The following CENPW variants were observed in gnomAD, a reference collection of about 807,000 sequenced individuals.
CENPW encodes the protein centromere protein W.
In CENPW, 3 loss-of-function variants were observed where a neutral mutation model predicts 11.1. The observed-to-expected ratio is 0.27, with a 90% CI of 0.12 to 0.70. The LOEUF (loss-of-function observed/expected upper bound fraction) is 0.70, where lower values mean the gene tolerates loss of function less well. CENPW is among the 30% of genes least tolerant of loss of function. CENPW has a pLI of 0.77. For missense variants in CENPW, 100 were observed against 105.6 expected (o/e 0.95, Z 0.23); for synonymous variants, 38 against 42.0 (o/e 0.91, Z 0.37).
chr6:126,354,824 C>T, the CENPW span, among the ~76,000 whole-genome samples: 7 of 152,052 alleles, frequency 4.6e-5, no homozygotes, highest in Non-Finnish European at 8.8e-5. Flanking sequence ...ACTGGGAACA[C>T]AGATTGGTGG....
Position 126,346,223 on chromosome 6 carries a change from C to T in CENPW, c.145C>T (p.Leu49=), listed in dbSNP as rs1347565235. 2.5e-6 allele frequency: 4 copies of T among 1,600,728 alleles called. No individual in the cohort carries two copies. The highest frequency in any genetic ancestry group is 8.5e-7 in the Non-Finnish European group (1 of 1,170,550). ...TTTAAAGGTCCATCTGAACTGTTTACTGTTTGTTCATCGATTAGCAGAAGA... is the reference window on the plus strand; with the variant it reads ...TTTAAAGGTCCATCTGAACTGTTTATTGTTTGTTCATCGATTAGCAGAAGA... ...GDLLVHLNCL[L]FVHRLAEESR... is the part of the protein sequence containing the mutation. The change falls in exon 2 of 3, where the codon CTG becomes TTG. Residue 49 remains leucine, a synonymous_variant. Transcript: ENST00000368328.
chr6:126,405,636 A>T, the CENPW span, among the ~76,000 whole-genome samples: 1 of 152,038 alleles, frequency 6.6e-6, no homozygotes, highest in Admixed American at 6.6e-5. Context: ...ATATGTGAAC[A>T]TTGGCTGTCT....
downstream of CENPW, among the ~76,000 whole-genome samples, chr6:126,350,133 T>G (rs539329630): frequency 2.2e-4 from 33 of 152,210 alleles, no homozygotes; most frequent in South Asian, 4.1e-4. Flanking sequence ...TTTCTTAATA[T>G]TCTCACAAAT....
At chr6:126,476,133 C>G in the CENPW span, among the ~76,000 whole-genome samples, 1 of 151,498 alleles carries the variant, frequency 6.6e-6, no homozygotes, top group Admixed American at 6.6e-5. Context: ...CTCATAGCCT[C>G]CACTCTTTCT....
the CENPW span, among the ~76,000 whole-genome samples, chr6:126,401,920 A>C: frequency 2.0e-5 from 3 of 152,126 alleles, no homozygotes; most frequent in South Asian, 6.2e-4. Context: ...ATTCATTAAA[A>C]AATTTATCTT....
At chr6:126,351,228 C>T (rs1365932745), downstream of CENPW, among the ~76,000 whole-genome samples, 1 of 151,152 alleles carries the variant, frequency 6.6e-6, no homozygotes, top group African/African-American at 2.4e-5. Context: ...GTGATATTAT[C>T]CGTGTGATAC....
the CENPW span, among the ~76,000 whole-genome samples, chr6:126,471,693 C>A: frequency 2.6e-5 from 4 of 151,884 alleles, no homozygotes; most frequent in Non-Finnish European, 5.9e-5. Context: ...TAGAAAAAAC[C>A]AGATATACAA....
the CENPW span, among the ~76,000 whole-genome samples, chr6:126,443,456 A>G: frequency 1.3e-5 from 2 of 151,278 alleles, no homozygotes; most frequent in Admixed American, 6.6e-5. Context: ...TTTTTGCATA[A>G]CAAAAATACT....
chr6:126,437,380 A>G, the CENPW span, among the ~76,000 whole-genome samples: 1 of 151,890 alleles, frequency 6.6e-6, no homozygotes, highest in Non-Finnish European at 1.5e-5. Context: ...GGCCCAGTTG[A>G]ATTTGGTTTT....
At chr6:126,403,468 G>T in the CENPW span, among the ~76,000 whole-genome samples, 1 of 152,100 alleles carries the variant, frequency 6.6e-6, no homozygotes, top group Non-Finnish European at 1.5e-5. Context: ...GAAAATTTTA[G>T]TGGTCTGAAT....
At position 126,340,167 on chromosome 6, in the gene CENPW, A is replaced by G. The variant is rs1216591906; in HGVS notation, c.-107A>G. 2.0e-6 allele frequency: 2 copies of G among 1,025,638 alleles called. No individual in the cohort carries two copies. The highest frequency in any genetic ancestry group is 2.9e-6 in the Non-Finnish European group (2 of 682,666). 63.5% of individuals were successfully genotyped at this position (1,025,638 alleles called of 1,614,324 possible). Reference sequence around the variant, plus strand: ...CGGACTGAGGTTTTTCTGCCTGAAGAAGCGTCATACGGACCGGATTGTTTT... The same window carrying G: ...CGGACTGAGGTTTTTCTGCCTGAAGGAGCGTCATACGGACCGGATTGTTTT... On this transcript the variant is annotated 5_prime_UTR_variant, in exon 1 of 3. Transcript: ENST00000368328.
the CENPW span, among the ~76,000 whole-genome samples, chr6:126,386,120 T>G: frequency 1.9e-3 from 283 of 152,142 alleles, no homozygotes; most frequent in African/African-American, 6.7e-3. Flanking sequence ...TTCAAACCAT[T>G]CTGTACAATT....
the CENPW span, among the ~76,000 whole-genome samples, chr6:126,440,897 G>A: frequency 6.6e-6 from 1 of 151,472 alleles, no homozygotes; most frequent in Non-Finnish European, 1.5e-5. Flanking sequence ...TTGTATTAGA[G>A]AGGGAAAACA....
At chr6:126,448,743 A>G in the CENPW span, among the ~76,000 whole-genome samples, 1 of 151,186 alleles carries the variant, frequency 6.6e-6, no homozygotes, top group South Asian at 2.1e-4. Flanking sequence ...TGACATTCAT[A>G]TAACTCCCTG....
chr6:126,435,682 C>T, the CENPW span, among the ~76,000 whole-genome samples: 1 of 151,778 alleles, frequency 6.6e-6, no homozygotes, highest in African/African-American at 2.4e-5. Context: ...ATTATTATTC[C>T]AATTTTACTG....
At chr6:126,377,639 C>G in the CENPW span, among the ~76,000 whole-genome samples, 1 of 152,098 alleles carries the variant, frequency 6.6e-6, no homozygotes, top group Non-Finnish European at 1.5e-5. Flanking sequence ...TCAAAAAACT[C>G]AGACTTTTAA....
the CENPW span, among the ~76,000 whole-genome samples, chr6:126,394,958 T>C: frequency 6.6e-6 from 1 of 152,164 alleles, no homozygotes; most frequent in African/African-American, 2.4e-5. Flanking sequence ...TGTTATTTGC[T>C]TCTTTCTCTT....
At chr6:126,447,400 C>A in the CENPW span, among the ~76,000 whole-genome samples, 1 of 150,788 alleles carries the variant, frequency 6.6e-6, no homozygotes, top group African/African-American at 2.4e-5. Context: ...AAAGTTGGGA[C>A]AAATAGAAGC....
chr6:126,383,880 A>C, the CENPW span, among the ~76,000 whole-genome samples: 5 of 152,198 alleles, frequency 3.3e-5, no homozygotes, highest in Non-Finnish European at 7.4e-5. Context: ...TAGAAAATTT[A>C]CAAAGATATT....
Sources: gnomAD v4.1 joint callset for allele counts (sites outside exome capture counted in the v4.1 genomes callset) on GRCh38, gnomAD v4.1.1 for gene constraint, MANE v1.5 for transcripts, NCBI Gene and HGNC (gene_info 2026-07-23, HGNC 2026-07-21) for gene names.